The following STX17 variants were observed in gnomAD, a reference collection of about 807,000 sequenced individuals.
The protein encoded by STX17 is syntaxin 17.
STX17 carries 29 observed loss-of-function variants against 35.9 expected under a neutral mutation model. The ratio of observed to expected loss-of-function variants is 0.81; its 90% CI spans 0.60 to 1.10. The LOEUF (loss-of-function observed/expected upper bound fraction) is 1.10, where lower values mean the gene tolerates loss of function less well. Ranked by LOEUF, STX17 falls within the 50% of genes least tolerant of loss-of-function variation. STX17 has a pLI of 0.00. For missense variants in STX17, 312 were observed against 352.3 expected (o/e 0.89, Z 0.92); for synonymous variants, 92 against 118.3 (o/e 0.78, Z 1.44).
chr9:99,961,510 AT>A (rs544032805), intron 6 of STX17, among the ~76,000 whole-genome samples: 11 of 152,218 alleles, frequency 7.2e-5, no homozygotes, highest in African/African-American at 2.4e-4. Flanking sequence ...GGAAAGATAG[AT>A]TTTCCACCAT....
intron 4 of STX17, among the ~76,000 whole-genome samples, chr9:99,952,216 G>A (rs528173780): frequency 7.9e-5 from 12 of 152,196 alleles, no homozygotes; most frequent in African/African-American, 1.9e-4. Context: ...AAAAGTGGGC[G>A]AAGAGCATGA....
At chr9:99,934,368 T>C (rs1464242125) in intron 3 of STX17, among the ~76,000 whole-genome samples, 1 of 152,222 alleles carries the variant, frequency 6.6e-6, no homozygotes, top group African/African-American at 2.4e-5. Context: ...TATAAGATGC[T>C]CATTAGATAT....
chr9:99,922,760 G>A (rs1564060125), intron 2 of STX17, among the ~76,000 whole-genome samples: 1 of 152,146 alleles, frequency 6.6e-6, no homozygotes, highest in African/African-American at 2.4e-5. Context: ...TTTGAAGAAG[G>A]GAGAAGTGGG....
At chr9:99,956,190 G>A (rs1429380483) in intron 4 of STX17, among the ~76,000 whole-genome samples, 1 of 152,074 alleles carries the variant, frequency 6.6e-6, no homozygotes, top group Admixed American at 6.6e-5. Context: ...CAAGTGAGAC[G>A]TAAATGACTT....
At position 99,967,682 on chromosome 9, in the gene STX17, A is replaced by G. The variant is rs1829943753; in HGVS notation, c.612A>G (p.Ala204=). The G allele has an allele frequency of 6.8e-6, 11 of 1,613,940 alleles. No individual in the cohort carries two copies. The highest frequency in any genetic ancestry group is 9.3e-6 in the Non-Finnish European group (11 of 1,179,902). Residue 204 remains alanine, a synonymous_variant, in exon 7 of 8, where the codon GCA becomes GCG. Transcript: ENST00000259400. Reference sequence around the variant, plus strand: ...AGCAGGAGAAGATTGACAGCATTGCAGACCATGTCAACAGTGCTGCTGTGA... The same window carrying G: ...AGCAGGAGAAGATTGACAGCATTGCGGACCATGTCAACAGTGCTGCTGTGA... ...NSQQEKIDSI[A]DHVNSAAVNV... is the part of the protein sequence containing the mutation.
At chr9:99,910,387 A>G (rs1245376017) in intron 1 of STX17, among the ~76,000 whole-genome samples, 1 of 152,196 alleles carries the variant, frequency 6.6e-6, no homozygotes, top group Non-Finnish European at 1.5e-5. Flanking sequence ...TATTGCTTGG[A>G]ATATGGATAA....
intron 3 of STX17, among the ~76,000 whole-genome samples, chr9:99,934,121 G>C (rs541652624): frequency 1.1e-4 from 16 of 152,272 alleles, no homozygotes; most frequent in African/African-American, 3.1e-4. Context: ...TGCTGGATAA[G>C]GGGGTATTAT....
intron 3 of STX17, among the ~76,000 whole-genome samples, chr9:99,932,582 C>T (rs1217164766): frequency 6.6e-6 from 1 of 152,056 alleles, no homozygotes; most frequent in Non-Finnish European, 1.5e-5. Context: ...ACTGTTTAAT[C>T]TATCATTTAA....
chr9:99,969,039 C>T lies in STX17; in HGVS notation c.*366C>T, dbSNP rs144521155. ...TTCTTCCATAACCCTGAATTGGAGA[C>T]CTTAATGCTAAGTGTAGATTATTGA... is the stretch of plus-strand genomic sequence containing the variant. On this transcript the variant is annotated 3_prime_UTR_variant, in exon 8 of 8. Transcript: ENST00000259400. The T allele has an allele frequency of 4.6e-4, 75 of 164,656 alleles. No homozygotes were observed. The highest frequency in any genetic ancestry group is 1.6e-3 in the African/African-American group (68 of 41,836). 10.2% of individuals were successfully genotyped at this position (164,656 alleles called of 1,614,324 possible). A position where few individuals can be genotyped will look rare whatever the true frequency, so the allele number is the denominator to read the frequency against.
chr9:99,913,347 A>G (rs879603830), intron 1 of STX17, among the ~76,000 whole-genome samples: 3 of 151,552 alleles, frequency 2.0e-5, no homozygotes, highest in Admixed American at 2.0e-4. Context: ...TATGTCTTTT[A>G]TCTTCTTTTT....
chr9:99,971,985 C>CA lies in STX17; in HGVS notation c.*3319dup, dbSNP rs1250006891. Among the ~76,000 whole-genome samples the CA allele has an allele frequency of 6.6e-6, 1 of 152,060 alleles. No individual in the cohort carries two copies. Among genetic ancestry groups the CA allele is most frequent in the Non-Finnish European group, 1.5e-5 (1 of 68,006 alleles). ...TTGGTGACAGAACAAGACCCTCTCTCAAAAAAATATTTAAAAAAAGGTGGG... is the reference window on the plus strand; with the variant it reads ...TTGGTGACAGAACAAGACCCTCTCTCAAAAAAAATATTTAAAAAAAGGTGGG... On this transcript the variant is annotated 3_prime_UTR_variant, in exon 8 of 8. Transcript: ENST00000259400.
At chr9:99,916,605 A>G (rs1828780804) in intron 2 of STX17, among the ~76,000 whole-genome samples, 1 of 152,102 alleles carries the variant, frequency 6.6e-6, no homozygotes, top group Non-Finnish European at 1.5e-5. Context: ...TCTAGAATTC[A>G]AGTCCTTTTA....
At position 99,959,871 on chromosome 9, in the gene STX17, A is replaced by G. The variant is rs767224513; in HGVS notation, c.416-46A>G. On this transcript the variant is annotated intron_variant, in intron 4 of 7. Transcript: ENST00000259400. ...AATCAATTTATGCTGTCTCTTTTCT[A>G]ACAAAGCAAATAAACTCTAAACATG... is the stretch of plus-strand genomic sequence containing the variant. 2.7e-5 allele frequency: 38 copies of G among 1,409,938 alleles called. No individual in the cohort carries two copies. In the East Asian group the frequency reaches 8.4e-4, roughly 31 times the overall value. 87.3% of individuals were successfully genotyped at this position (1,409,938 alleles called of 1,614,324 possible).
intron 2 of STX17, among the ~76,000 whole-genome samples, chr9:99,918,504 T>G (rs1162269425): frequency 1.4e-5 from 2 of 142,778 alleles, no homozygotes; most frequent in Non-Finnish European, 3.1e-5. Flanking sequence ...CTTTCTATAG[T>G]TTTTTTTTTT....
At chr9:99,934,634 TAA>T (rs1025956460) in intron 3 of STX17, among the ~76,000 whole-genome samples, 6 of 152,316 alleles carry the variant, frequency 3.9e-5, no homozygotes, top group African/African-American at 1.2e-4. Context: ...GTGTTTACTC[TAA>T]GTTATTTAAA....
At chr9:99,911,843 C>G (rs1245929869) in intron 1 of STX17, among the ~76,000 whole-genome samples, 1 of 152,186 alleles carries the variant, frequency 6.6e-6, no homozygotes, top group African/African-American at 2.4e-5. Context: ...TTCCAAAGTG[C>G]TGGAATTACA....
At chr9:99,942,120 TTACCAA>T (rs1211123032) in intron 3 of STX17, among the ~76,000 whole-genome samples, 1 of 152,214 alleles carries the variant, frequency 6.6e-6, no homozygotes, top group African/African-American at 2.4e-5. Context: ...CACCACATCC[TTACCAA>T]TACCAATATT....
At chr9:99,964,334 C>G (rs1829877662) in intron 6 of STX17, among the ~76,000 whole-genome samples, 1 of 152,060 alleles carries the variant, frequency 6.6e-6, no homozygotes, top group Non-Finnish European at 1.5e-5. Flanking sequence ...TTGTTATGTT[C>G]AGGCCAATAG....
intron 3 of STX17, among the ~76,000 whole-genome samples, chr9:99,949,085 CT>C (rs1209042738): frequency 1.3e-5 from 2 of 152,076 alleles, no homozygotes; most frequent in Non-Finnish European, 2.9e-5. Flanking sequence ...AATTCTGCCA[CT>C]GTGTTTGTCT....
Sources: gnomAD v4.1 joint callset for allele counts (sites outside exome capture counted in the v4.1 genomes callset) on GRCh38, gnomAD v4.1.1 for gene constraint, MANE v1.5 for transcripts, NCBI Gene and HGNC (gene_info 2026-07-23, HGNC 2026-07-21) for gene names.